AP2B1: variants seen among roughly 807,000 people sequenced by gnomAD.
AP2B1 encodes the protein adaptor related protein complex 2 subunit beta 1, also known as AP-2 complex subunit beta.
A neutral mutation model predicts 102.0 loss-of-function variants in AP2B1; 23 were observed. The observed-to-expected ratio is 0.23, with a 90% CI of 0.16 to 0.32. The LOEUF (loss-of-function observed/expected upper bound fraction) is 0.32, where lower values mean the gene tolerates loss of function less well. Among genes scored for constraint, AP2B1 ranks in the 10% least tolerant of loss-of-function variants. AP2B1 has a pLI of 1.00. For missense variants in AP2B1, 541 were observed against 1,157.4 expected (o/e 0.47, Z 7.73); for synonymous variants, 381 against 421.2 (o/e 0.90, Z 1.17).
chr17:35,721,444 C>T (rs2085389617), intron 21 of AP2B1, among the ~76,000 whole-genome samples: 2 of 152,072 alleles, frequency 1.3e-5, no homozygotes. Context: ...CTCTTTCTCC[C>T]TAGGAGCCAT....
intron 18 of AP2B1, among the ~76,000 whole-genome samples, chr17:35,703,867 C>A (rs989139834): frequency 1.2e-5 from 1 of 82,760 alleles, no homozygotes; most frequent in African/African-American, 5.0e-5. Flanking sequence ...TTTTGAGCAA[C>A]CTATTATCCA....
At chr17:35,627,297 G>A (rs2074344585) in intron 7 of AP2B1, 88 bp from the exon 8 acceptor site, 2 of 636,932 alleles carry the variant, frequency 3.1e-6, no homozygotes, top group Non-Finnish European at 4.8e-6. Flanking sequence ...GGAGAGCAGA[G>A]AGGCACAGAT....
chr17:35,650,914 T>G, intron 13 of AP2B1, 125 bp downstream of exon 13: 1 of 1,145,898 alleles, frequency 8.7e-7, no homozygotes, highest in Non-Finnish European at 1.2e-6. Context: ...GCTTTTATAG[T>G]CTGGAAAAGA....
chr17:35,668,872 T>C (rs1381661620), intron 14 of AP2B1, among the ~76,000 whole-genome samples: 2 of 152,224 alleles, frequency 1.3e-5, no homozygotes, highest in Non-Finnish European at 2.9e-5. Flanking sequence ...GTATATTCTG[T>C]ATGGTTTTGC....
chr17:35,708,029 A>C (rs587657542), intron 18 of AP2B1, among the ~76,000 whole-genome samples: 2 of 152,386 alleles, frequency 1.3e-5, no homozygotes, highest in South Asian at 2.1e-4. Context: ...TACTAAATGT[A>C]GAAGGACTGG....
intron 13 of AP2B1, among the ~76,000 whole-genome samples, chr17:35,651,735 C>T (rs1355396795): frequency 6.6e-6 from 1 of 151,944 alleles, no homozygotes; most frequent in Non-Finnish European, 1.5e-5. Flanking sequence ...CAGCAATACC[C>T]AAGGAGATTA....
chr17:35,605,982 C>T (rs2073660541), intron 4 of AP2B1, 142 bp downstream of exon 4: 3 of 1,360,454 alleles, frequency 2.2e-6, no homozygotes, highest in Non-Finnish European at 2.9e-6. Context: ...GTGTGTCATC[C>T]AGGGAAATTC....
chr17:35,670,868 C>T lies in AP2B1; in HGVS notation c.2001C>T (p.Asp667=). The T allele has an allele frequency of 6.2e-7, 1 of 1,613,976 alleles. No homozygotes were observed. Among genetic ancestry groups the T allele is most frequent in the African/African-American group, 1.3e-5 (1 of 74,992 alleles). The change falls in exon 15 of 22, where the codon GAC becomes GAT. Residue 667 remains aspartate (D), a synonymous_variant. Coordinates refer to ENST00000610402, the MANE Select transcript of AP2B1 (RefSeq NM_001030006.2). The part of the protein sequence containing the change: ...GGGLDSLLGS[D]LGGGIGGSPA... The stretch of plus-strand genomic sequence containing the variant: ...TTTCTCTCTTTCAGCTTGGCAGTGA[C>T]CTTGGCGGGGGCATTGGAGGAAGTC...
At chr17:35,590,847 T>C (rs1404914862) in intron 1 of AP2B1, among the ~76,000 whole-genome samples, 1 of 152,128 alleles carries the variant, frequency 6.6e-6, no homozygotes, top group Non-Finnish European at 1.5e-5. Context: ...AAGGTATGAC[T>C]TAAGACTTAG....
At chr17:35,692,035 A>G (rs960864607) in intron 18 of AP2B1, among the ~76,000 whole-genome samples, 3 of 152,206 alleles carry the variant, frequency 2.0e-5, no homozygotes, top group African/African-American at 7.2e-5. Context: ...TTCTGTAACC[A>G]GCACTCAACT....
chr17:35,627,582 A>G (rs1317683988), intron 8 of AP2B1, 49 bp from the exon 9 acceptor site: 6 of 1,612,660 alleles, frequency 3.7e-6, no homozygotes, highest in Admixed American at 1.7e-5. Flanking sequence ...AGGCTGTGAG[A>G]TTGCTATTTG....
intron 4 of AP2B1, among the ~76,000 whole-genome samples, chr17:35,606,270 C>T (rs2073672280): frequency 6.6e-6 from 1 of 150,462 alleles, no homozygotes; most frequent in South Asian, 2.1e-4. Context: ...TACAGAGTCT[C>T]ACTCTGTCAC....
chr17:35,688,195 TC>T (rs34522765), intron 18 of AP2B1, among the ~76,000 whole-genome samples: 11,101 of 149,296 alleles, frequency 0.074, 468 homozygotes, highest in Middle Eastern at 0.11. Flanking sequence ...GTTTACTCCC[TC>T]TTTTGATGAA....
chr17:35,646,106 A>C (rs1000925857), intron 12 of AP2B1, among the ~76,000 whole-genome samples: 4 of 152,204 alleles, frequency 2.6e-5, no homozygotes, highest in Non-Finnish European at 5.9e-5. Context: ...GATGCACATT[A>C]TAGTTTAAGA....
chr17:35,707,824 T>C (rs750047471), intron 18 of AP2B1, among the ~76,000 whole-genome samples: 42 of 152,222 alleles, frequency 2.8e-4, no homozygotes, highest in Non-Finnish European at 5.1e-4. Flanking sequence ...ATTCCCCAGA[T>C]TCAAGCTTTT....
intron 18 of AP2B1, among the ~76,000 whole-genome samples, chr17:35,704,160 A>C (rs1319550659): frequency 4.6e-5 from 7 of 152,294 alleles, no homozygotes; most frequent in African/African-American, 1.4e-4. Context: ...CTGGCTTCAT[A>C]CTGTGTTTTT....
chr17:35,700,637 C>T (rs991151704), intron 18 of AP2B1, among the ~76,000 whole-genome samples: 2 of 151,928 alleles, frequency 1.3e-5, no homozygotes, highest in African/African-American at 4.8e-5. Flanking sequence ...CATGTTATAC[C>T]TTTTTATAGT....
intron 18 of AP2B1, among the ~76,000 whole-genome samples, chr17:35,694,435 A>ATTTTTTTTTTTTTTTT (rs2076101194): frequency 1.0e-4 from 8 of 80,000 alleles, no homozygotes; most frequent in African/African-American, 8.7e-5. Flanking sequence ...TAATTTTTTA[A>ATTTTTTTTTTTTTTTT]TTTTTTGTAG....
chr17:35,621,517 C>T (rs12949877), intron 5 of AP2B1, among the ~76,000 whole-genome samples: 11,125 of 152,248 alleles, frequency 0.073, 467 homozygotes, highest in Middle Eastern at 0.11. Flanking sequence ...CTCCTCTGGA[C>T]GGTCACCATT....
Sources: gnomAD v4.1 joint callset for allele counts (sites outside exome capture counted in the v4.1 genomes callset) on GRCh38, gnomAD v4.1.1 for gene constraint, MANE v1.5 for transcripts, NCBI Gene and HGNC (gene_info 2026-07-23, HGNC 2026-07-21) for gene names.